The following TNFSF4 variants were observed in gnomAD, a reference collection of about 807,000 sequenced individuals.
The protein encoded by TNFSF4 is tumor necrosis factor ligand superfamily member 4.
In TNFSF4, 4 loss-of-function variants were observed where a neutral mutation model predicts 7.3. That is an observed-to-expected ratio of 0.55 (90% CI 0.27 to 1.25). The LOEUF is 1.25. TNFSF4 is among the 50% of genes most tolerant of loss of function. The pLI, the probability that TNFSF4 is intolerant of heterozygous loss-of-function variation, is 0.12. For synonymous variants in TNFSF4, 76 were observed against 83.7 expected (o/e 0.91, Z 0.50); for missense variants, 181 against 208.8 (o/e 0.87, Z 0.82).
the TNFSF4 span, among the ~76,000 whole-genome samples, chr1:173,281,106 T>A: frequency 6.6e-6 from 1 of 152,134 alleles, no homozygotes; most frequent in East Asian, 1.9e-4. Flanking sequence ...GCGTGATAAT[T>A]GGGTTTTCAC....
At chr1:173,446,634 G>A in the TNFSF4 span, among the ~76,000 whole-genome samples, 1 of 152,320 alleles carries the variant, frequency 6.6e-6, no homozygotes, top group East Asian at 1.9e-4. Context: ...CATCTAATCA[G>A]CTGCCAGTAC....
chr1:173,387,255 A>G, the TNFSF4 span, among the ~76,000 whole-genome samples: 1 of 152,206 alleles, frequency 6.6e-6, no homozygotes, highest in Admixed American at 6.5e-5. Context: ...CCAATGCAAC[A>G]GTATTAAGAG....
the TNFSF4 span, among the ~76,000 whole-genome samples, chr1:173,365,082 G>C: frequency 6.8e-6 from 1 of 147,010 alleles, no homozygotes; most frequent in Non-Finnish European, 1.5e-5. Context: ...GTGAGACCCT[G>C]TCACAGGGAA....
chr1:173,300,099 GTAGA>G, the TNFSF4 span, among the ~76,000 whole-genome samples: 2,585 of 147,844 alleles, frequency 0.017, 31 homozygotes, highest in African/African-American at 0.037. Flanking sequence ...AAAATAGATG[GTAGA>G]TAGATAGATA....
chr1:173,181,446 G>A (rs150230293), downstream of TNFSF4, among the ~76,000 whole-genome samples: 11 of 152,234 alleles, frequency 7.2e-5, no homozygotes, highest in African/African-American at 1.9e-4. Flanking sequence ...CTGTGTTTCC[G>A]CTCCTAACAT....
chr1:173,326,172 C>G, the TNFSF4 span, among the ~76,000 whole-genome samples: 4 of 152,066 alleles, frequency 2.6e-5, no homozygotes, highest in Non-Finnish European at 4.4e-5. Flanking sequence ...TCCACCATGA[C>G]CAAGTGGGCT....
At chr1:173,230,178 T>G in the TNFSF4 span, among the ~76,000 whole-genome samples, 1 of 152,154 alleles carries the variant, frequency 6.6e-6, no homozygotes, top group Non-Finnish European at 1.5e-5. Context: ...ACCACGTAGT[T>G]GGAAGTAAAG....
At chr1:173,205,570 G>A in intron 1 of TNFSF4, 1 of 1,253,308 alleles carries the variant, frequency 8.0e-7, no homozygotes, top group South Asian at 2.6e-5. Context: ...TCATCCCATG[G>A]TGTAAGGAAA....
the TNFSF4 span, among the ~76,000 whole-genome samples, chr1:173,259,575 T>C: frequency 1.3e-5 from 2 of 152,146 alleles, no homozygotes; most frequent in African/African-American, 2.4e-5. Context: ...TCTCATCCAA[T>C]GCAAAGAAGC....
chr1:173,212,077 G>T (rs1650390776), upstream of TNFSF4, among the ~76,000 whole-genome samples: 1 of 152,156 alleles, frequency 6.6e-6, no homozygotes, highest in Non-Finnish European at 1.5e-5. Flanking sequence ...GCTAGAGTGT[G>T]GAGATATCAC....
chr1:173,442,833 G>C, the TNFSF4 span, among the ~76,000 whole-genome samples: 1 of 151,898 alleles, frequency 6.6e-6, no homozygotes, highest in African/African-American at 2.4e-5. Context: ...ACAGGTGTGA[G>C]CCACTGTGCC....
At chr1:173,416,608 T>TTATTTA in the TNFSF4 span, among the ~76,000 whole-genome samples, 1 of 121,942 alleles carries the variant, frequency 8.2e-6, no homozygotes, top group African/African-American at 3.1e-5. Context: ...ATTTTTTTAT[T>TTATTTA]TTTATTTATT....
At chr1:173,221,941 G>C in the TNFSF4 span, among the ~76,000 whole-genome samples, 1 of 152,140 alleles carries the variant, frequency 6.6e-6, no homozygotes, top group Non-Finnish European at 1.5e-5. Context: ...TCTTAAAGTT[G>C]GAAGTTTTCT....
At chr1:173,321,703 T>C in the TNFSF4 span, among the ~76,000 whole-genome samples, 1 of 151,538 alleles carries the variant, frequency 6.6e-6, no homozygotes, top group Admixed American at 6.6e-5. Flanking sequence ...ATGCAGCCAA[T>C]AGATATAAAA....
chr1:173,407,865 C>T, the TNFSF4 span, among the ~76,000 whole-genome samples: 1 of 152,094 alleles, frequency 6.6e-6, no homozygotes, highest in Non-Finnish European at 1.5e-5. Context: ...AAATCCTAAT[C>T]CCCAGAGTGA....
chr1:173,175,884 A>G, the TNFSF4 span, among the ~76,000 whole-genome samples: 1 of 152,148 alleles, frequency 6.6e-6, no homozygotes. Flanking sequence ...TTCCATTTTC[A>G]ATTGACACTA....
At chr1:173,325,372 G>C in the TNFSF4 span, among the ~76,000 whole-genome samples, 1 of 152,036 alleles carries the variant, frequency 6.6e-6, no homozygotes. Context: ...GCAGTGTGTA[G>C]AGGGAAATTT....
At chr1:173,209,672 T>C (rs1650311616), upstream of TNFSF4, among the ~76,000 whole-genome samples, 1 of 152,088 alleles carries the variant, frequency 6.6e-6, no homozygotes, top group Admixed American at 6.5e-5. Flanking sequence ...GTCTGGCTAA[T>C]TTCTTTTAAA....
intron 1 of TNFSF4, among the ~76,000 whole-genome samples, chr1:173,203,093 A>G (rs1650016686): frequency 6.6e-6 from 1 of 152,164 alleles, no homozygotes. Context: ...AGTGCCTCAA[A>G]TGGTACCTAG....
Sources: allele counts gnomAD v4.1 joint callset (sites outside exome capture counted in the v4.1 genomes callset), GRCh38; gene constraint gnomAD v4.1.1; transcripts MANE v1.5; gene names NCBI Gene and HGNC (gene_info 2026-07-23, HGNC 2026-07-21).